TNNI3K: variants seen among roughly 807,000 people sequenced by gnomAD.
The protein encoded by TNNI3K is TNNI3 interacting kinase, also known as serine/threonine-protein kinase TNNI3K.
Under a neutral mutation model 114.5 loss-of-function variants are expected in TNNI3K, and 140 were observed. The ratio of observed to expected loss-of-function variants is 1.22; its 90% confidence interval spans 1.07 to 1.41. The LOEUF is 1.41. TNNI3K is among the 40% of genes most tolerant of loss of function. The pLI is 0.00. For synonymous variants in TNNI3K, 347 were observed against 347.5 expected, an observed-to-expected ratio of 1.00 and a Z score of 0.02; for missense variants, 1,125 against 1,007.6, an observed-to-expected ratio of 1.12 and a Z score of -1.58.
intron 4 of TNNI3K, among the ~76,000 whole-genome samples, chr1:74,258,775 C>T (rs964764795): frequency 6.6e-6 from 1 of 152,152 alleles, no homozygotes; most frequent in Non-Finnish European, 1.5e-5. Flanking sequence ...TAGTCTCTGC[C>T]TGTTCAACCC....
At chr1:74,448,830 A>C (rs1458507106) in intron 20 of TNNI3K, among the ~76,000 whole-genome samples, 62 of 69,508 alleles carry the variant, frequency 8.9e-4, no homozygotes, top group Non-Finnish European at 1.4e-3. Flanking sequence ...ATCATGGTGG[A>C]TAAGCTTTTT....
intron 21 of TNNI3K, among the ~76,000 whole-genome samples, chr1:74,488,578 G>A (rs573651251): frequency 2.6e-5 from 4 of 152,216 alleles, no homozygotes; most frequent in African/African-American, 9.6e-5. Flanking sequence ...TATATCCCTT[G>A]CAACTGGAAC....
intron 9 of TNNI3K, among the ~76,000 whole-genome samples, chr1:74,347,775 G>T (rs1251931193): frequency 6.6e-6 from 1 of 152,120 alleles, no homozygotes; most frequent in Admixed American, 6.6e-5. Context: ...TTTTTCATGT[G>T]TTTTTTGGCT....
intron 7 of TNNI3K, among the ~76,000 whole-genome samples, chr1:74,342,475 A>G (rs1258906684): frequency 1.3e-5 from 2 of 152,120 alleles, no homozygotes. Flanking sequence ...AGGATCTGTA[A>G]TTCTTAACAT....
At chr1:74,357,556 G>C (rs933669654) in intron 11 of TNNI3K, among the ~76,000 whole-genome samples, 4 of 152,108 alleles carry the variant, frequency 2.6e-5, no homozygotes, top group Non-Finnish European at 5.9e-5. Context: ...AATGCTTTCA[G>C]AAAAGGGTTT....
chr1:74,381,927 A>G (rs796491485), intron 17 of TNNI3K, among the ~76,000 whole-genome samples: 8 of 152,318 alleles, frequency 5.3e-5, no homozygotes, highest in African/African-American at 1.9e-4. Flanking sequence ...TCAGAGGCAC[A>G]TTCCAGAGAC....
chr1:74,333,357 C>T (rs45612831), intron 6 of TNNI3K, among the ~76,000 whole-genome samples: 1 of 152,292 alleles, frequency 6.6e-6, no homozygotes, highest in Non-Finnish European at 1.5e-5. Context: ...GAAGTACAGG[C>T]CCAAAAGCAC....
chr1:74,343,303 T>G (rs768073341), intron 9 of TNNI3K, 124 bp downstream of exon 9: 88 of 1,071,104 alleles, frequency 8.2e-5, no homozygotes, highest in Non-Finnish European at 1.1e-4. Flanking sequence ...ATAGCAGAGG[T>G]AGGGCAGAGG....
At chr1:74,437,989 T>C (rs1301479837) in intron 19 of TNNI3K, among the ~76,000 whole-genome samples, 1 of 151,480 alleles carries the variant, frequency 6.6e-6, no homozygotes, top group Admixed American at 6.6e-5. Flanking sequence ...GCAAATAATA[T>C]TAACTCTCTT....
chr1:74,469,667 TTAA>T, intron 21 of TNNI3K: 1 of 375,676 alleles, frequency 2.7e-6, no homozygotes, highest in Non-Finnish European at 4.7e-6. Flanking sequence ...GCATACTCAG[TTAA>T]TTGTGTCAGA....
chr1:74,349,581 G>T (rs1373772239), intron 9 of TNNI3K, among the ~76,000 whole-genome samples: 1 of 152,120 alleles, frequency 6.6e-6, no homozygotes, highest in Non-Finnish European at 1.5e-5. Context: ...GTAGAATTCG[G>T]CTGTGAATCC....
At chr1:74,520,908 G>A (rs1054921017) in intron 23 of TNNI3K, among the ~76,000 whole-genome samples, 1 of 152,130 alleles carries the variant, frequency 6.6e-6, no homozygotes, top group African/African-American at 2.4e-5. Flanking sequence ...GCTTTAATTT[G>A]CACAGTTGTG....
chr1:74,479,448 T>A (rs373352249), intron 21 of TNNI3K, among the ~76,000 whole-genome samples: 9 of 152,044 alleles, frequency 5.9e-5, no homozygotes, highest in East Asian at 3.9e-4. Flanking sequence ...TTACATAGAG[T>A]TGGACAAACA....
chr1:74,378,765 C>T (rs1278799434), intron 17 of TNNI3K: 2 of 150,698 alleles, frequency 1.3e-5, no homozygotes, highest in Non-Finnish European at 3.0e-5. Context: ...TTGGTGGCAC[C>T]ATATGAGGTC....
intron 23 of TNNI3K, among the ~76,000 whole-genome samples, chr1:74,505,045 A>G (rs1669823411): frequency 6.6e-6 from 1 of 152,148 alleles, no homozygotes; most frequent in South Asian, 2.1e-4. Context: ...TAGTGATGAG[A>G]GTTCTATGAG....
intron 21 of TNNI3K, among the ~76,000 whole-genome samples, chr1:74,477,880 G>T (rs1668285283): frequency 6.6e-6 from 1 of 152,194 alleles, no homozygotes; most frequent in Admixed American, 6.5e-5. Flanking sequence ...AAGAGAAAAA[G>T]GGAAAATTAA....
chr1:74,378,875 T>A (rs1474565691), intron 17 of TNNI3K: 1 of 151,584 alleles, frequency 6.6e-6, no homozygotes, highest in Non-Finnish European at 1.5e-5. Flanking sequence ...ATACTGGTGA[T>A]AACAGGTAAT....
At chr1:74,250,794 C>T in intron 4 of TNNI3K, 25 bp downstream of exon 4, 1 of 1,491,260 alleles carries the variant, frequency 6.7e-7, no homozygotes, top group East Asian at 2.4e-5. Flanking sequence ...TTCCCATAAA[C>T]ACTGCATTGG....
intron 17 of TNNI3K, among the ~76,000 whole-genome samples, chr1:74,381,992 A>G (rs866105638): frequency 5.3e-5 from 8 of 152,218 alleles, no homozygotes; most frequent in East Asian, 1.9e-4. Context: ...TATAGCACCT[A>G]TGTGGTTAGG....
Sources: gnomAD v4.1 joint callset for allele counts (sites outside exome capture counted in the v4.1 genomes callset) on GRCh38, gnomAD v4.1.1 for gene constraint, MANE v1.5 for transcripts, NCBI Gene and HGNC (gene_info 2026-07-23, HGNC 2026-07-21) for gene names.